The following MAD1L1 variants were observed in gnomAD, a reference collection of about 807,000 sequenced individuals.
MAD1L1 encodes mitotic arrest deficient 1 like 1, also known as mitotic spindle assembly checkpoint protein MAD1.
MAD1L1 carries 95 observed loss-of-function variants against 96.9 expected under a neutral mutation model. That is an observed-to-expected ratio of 0.98 (90% CI 0.83 to 1.16). The LOEUF is 1.16. Among genes scored for constraint, MAD1L1 ranks in the 50% most tolerant of loss-of-function variants. The pLI, the probability that MAD1L1 is intolerant of heterozygous loss-of-function variation, is 0.00. For synonymous variants in MAD1L1, 473 were observed against 396.6 expected, an observed-to-expected ratio of 1.19 and a Z score of -2.29; for missense variants, 1,007 against 954.4, an observed-to-expected ratio of 1.06 and a Z score of -0.73.
chr7:1,902,532 G>A (rs1425534202), intron 17 of MAD1L1, among the ~76,000 whole-genome samples: 1 of 152,216 alleles, frequency 6.6e-6, no homozygotes, highest in African/African-American at 2.4e-5. Flanking sequence ...GCAGATGAGA[G>A]CAAGCAGAGA....
chr7:1,878,612 A>G (rs1417360092), intron 18 of MAD1L1, among the ~76,000 whole-genome samples: 1 of 152,112 alleles, frequency 6.6e-6, no homozygotes, highest in African/African-American at 2.4e-5. Flanking sequence ...TAGCAAGTAG[A>G]ACAGAAGGGA....
intron 12 of MAD1L1, among the ~76,000 whole-genome samples, chr7:2,062,529 C>A (rs1439812828): frequency 6.6e-6 from 1 of 151,956 alleles, no homozygotes; most frequent in African/African-American, 2.4e-5. Flanking sequence ...GAGCCGAGAT[C>A]ACGCGACTGC....
intron 18 of MAD1L1, chr7:1,817,585 G>C (rs905199008): frequency 6.6e-6 from 1 of 152,232 alleles, no homozygotes; most frequent in Non-Finnish European, 1.5e-5. Context: ...GTCCTGGAGG[G>C]GCACGTCAGG....
chr7:2,214,439 T>C (rs1057332327), intron 9 of MAD1L1, among the ~76,000 whole-genome samples: 1 of 152,108 alleles, frequency 6.6e-6, no homozygotes, highest in Non-Finnish European at 1.5e-5. Flanking sequence ...AAAACGACCT[T>C]GGCTGTATCA....
chr7:1,934,534 C>T (rs1789668671), intron 17 of MAD1L1, among the ~76,000 whole-genome samples: 1 of 151,490 alleles, frequency 6.6e-6, no homozygotes, highest in African/African-American at 2.4e-5. Flanking sequence ...GACAGGTGAA[C>T]CCGAGATGCG....
chr7:2,217,756 C>G (rs914439895), intron 7 of MAD1L1, among the ~76,000 whole-genome samples: 6 of 152,258 alleles, frequency 3.9e-5, no homozygotes, highest in Non-Finnish European at 8.8e-5. Context: ...TCTCCCTCCT[C>G]TAGAATACAC....
chr7:1,975,412 T>G (rs62442944), intron 15 of MAD1L1, among the ~76,000 whole-genome samples: 25,491 of 152,110 alleles, frequency 0.17, 2,644 homozygotes, highest in South Asian at 0.31. Context: ...CAGGAGCGGC[T>G]GCAGAACAGG....
intron 11 of MAD1L1, among the ~76,000 whole-genome samples, chr7:2,121,326 C>A (rs183640157): frequency 5.3e-5 from 8 of 152,330 alleles, no homozygotes; most frequent in Non-Finnish European, 8.8e-5. Flanking sequence ...CTGCACCAGG[C>A]CCCCAGCACC....
At chr7:2,001,584 G>A (rs1781795683) in intron 14 of MAD1L1, among the ~76,000 whole-genome samples, 1 of 152,224 alleles carries the variant, frequency 6.6e-6, no homozygotes, top group African/African-American at 2.4e-5. Flanking sequence ...CATTCACAGA[G>A]GGCAGATAAG....
chr7:1,885,658 G>C (rs1160764438), intron 18 of MAD1L1, among the ~76,000 whole-genome samples: 1 of 152,186 alleles, frequency 6.6e-6, no homozygotes, highest in Non-Finnish European at 1.5e-5. Context: ...CTCTGGCTAA[G>C]AGCTGTTGCC....
chr7:1,868,144 G>C (rs1293460298), intron 18 of MAD1L1, among the ~76,000 whole-genome samples: 1 of 152,152 alleles, frequency 6.6e-6, no homozygotes, highest in Non-Finnish European at 1.5e-5. Context: ...GGTGCACTGT[G>C]GCCCCCCAGA....
rs775980429 is a variant in MAD1L1 at position 2,114,391 on chromosome 7, C to G, written c.1073+34761G>C. On this transcript the variant is annotated intron_variant, in intron 11 of 18. Coordinates refer to ENST00000265854, the MANE Select transcript of MAD1L1 (RefSeq NM_001013836.2). The surrounding 1 kb of genome is among the most constrained non-coding windows in gnomAD (Gnocchi z 4.2). Reference sequence around the variant, plus strand: ...CTCCCACCCTGCAGCACCGCCCAGCCGGGGCCAACACCAGAGGACGCCATC... The same window carrying G: ...CTCCCACCCTGCAGCACCGCCCAGCGGGGGCCAACACCAGAGGACGCCATC... 6.6e-6 allele frequency among the ~76,000 whole-genome samples: 1 copy of G among 152,214 alleles called. No individual in the cohort carries two copies. The highest frequency in any genetic ancestry group is 2.4e-5 in the African/African-American group (1 of 41,448).
chr7:1,816,149 T>C lies in MAD1L1; in HGVS notation c.2078A>G (p.His693Arg). 1 of 1,613,168 alleles carries C rather than the reference T, an allele frequency of 6.2e-7. No homozygotes were observed. Among genetic ancestry groups the C allele is most frequent in the Non-Finnish European group, 8.5e-7 (1 of 1,179,856 alleles). The change falls in exon 19 of 19, where the codon CAC (histidine) becomes CGC (arginine). Residue 693 changes from histidine to arginine, a missense_variant. His to Arg is a conservative substitution (Grantham distance 29, BLOSUM62 0). Coordinates refer to ENST00000265854, the MANE Select transcript of MAD1L1 (RefSeq NM_001013836.2). ...SHTVGELIEV[H>R]LRRQDSIPAF... ...AGGGATGCTGTCCTGGCGCCGCAGG[T>C]GCACCTCGATGAGCTCGCCCACGGT...
intron 10 of MAD1L1, among the ~76,000 whole-genome samples, chr7:2,191,307 C>T (rs1791704123): frequency 6.6e-6 from 1 of 152,188 alleles, no homozygotes; most frequent in South Asian, 2.1e-4. Flanking sequence ...AGCATGAGTC[C>T]AGACACAATA....
intron 10 of MAD1L1, among the ~76,000 whole-genome samples, chr7:2,173,692 C>T (rs1562753971): frequency 6.6e-6 from 1 of 152,192 alleles, no homozygotes; most frequent in African/African-American, 2.4e-5. Context: ...TGCTTCTCCC[C>T]CAGTGACGGA....
intron 18 of MAD1L1, among the ~76,000 whole-genome samples, chr7:1,856,790 C>T (rs1297295681): frequency 2.0e-5 from 3 of 152,186 alleles, no homozygotes; most frequent in Non-Finnish European, 4.4e-5. Context: ...TAACCCAACC[C>T]TGGAACGTGG....
chr7:1,860,190 C>T (rs1267270676), intron 18 of MAD1L1, among the ~76,000 whole-genome samples: 1 of 148,692 alleles, frequency 6.7e-6, no homozygotes, highest in Non-Finnish European at 1.5e-5. Flanking sequence ...GCCTCTGTGT[C>T]CCTAGACCTG....
At chr7:1,816,738 G>A (rs1329827807) in intron 18 of MAD1L1, among the ~76,000 whole-genome samples, 3 of 152,036 alleles carry the variant, frequency 2.0e-5, no homozygotes, top group African/African-American at 4.8e-5. Flanking sequence ...CTGGAGAACG[G>A]GCAAGGAGGA....
chr7:1,860,919 G>A (rs1583582111), intron 18 of MAD1L1, among the ~76,000 whole-genome samples: 3 of 152,196 alleles, frequency 2.0e-5, no homozygotes, highest in Admixed American at 2.0e-4. Flanking sequence ...CAGGCCGGCC[G>A]TCAAATCTCC....
Sources: gnomAD v4.1 joint callset for allele counts (sites outside exome capture counted in the v4.1 genomes callset) on GRCh38, gnomAD v4.1.1 for gene constraint, Gnocchi (gnomAD v3.1) non-coding constraint, MANE v1.5 for transcripts, NCBI Gene and HGNC (gene_info 2026-07-23, HGNC 2026-07-21) for gene names.